The following AFF3 variants were observed in gnomAD, a reference collection of about 807,000 sequenced individuals.
AFF3 encodes the protein AF4/FMR2 family member 3.
In AFF3, 32 loss-of-function variants were observed where a neutral mutation model predicts 129.7. The observed-to-expected ratio is 0.25, with a 90% CI of 0.19 to 0.33. The LOEUF is 0.33. Ranked by LOEUF, AFF3 falls within the 10% of genes least tolerant of loss-of-function variation. The probability of loss-of-function intolerance (pLI) is 1.00; values close to 1 mark genes in which losing one functional copy is unlikely to be tolerated. For missense variants in AFF3, 1,373 were observed against 1,592.0 expected (o/e 0.86, Z 2.34); for synonymous variants, 644 against 635.4 (o/e 1.01, Z -0.20).
intron 7 of AFF3, among the ~76,000 whole-genome samples, chr2:99,884,297 C>G (rs940234515): frequency 6.6e-6 from 1 of 152,200 alleles, no homozygotes; most frequent in African/African-American, 2.4e-5. Context: ...CATCCATCAC[C>G]TCACGTACTT....
intron 8 of AFF3, among the ~76,000 whole-genome samples, chr2:99,785,257 C>A (rs543971269): frequency 2.0e-5 from 3 of 152,112 alleles, no homozygotes; most frequent in South Asian, 2.1e-4. Context: ...CAAGTGAAAT[C>A]GAGAATTACA....
chr2:100,105,675 T>C, intron 2 of AFF3, 92 bp from the exon 3 acceptor site: 1 of 1,349,442 alleles, frequency 7.4e-7, no homozygotes, highest in African/African-American at 1.5e-5. Flanking sequence ...GGCTTACTTT[T>C]TTAGACATGC....
intron 4 of AFF3, among the ~76,000 whole-genome samples, chr2:100,017,990 C>G (rs1683271544): frequency 6.6e-6 from 1 of 150,948 alleles, no homozygotes; most frequent in African/African-American, 2.4e-5. Context: ...CTTCCAAGAT[C>G]TGCTATGCCT....
In AFF3 at chr2:99,701,597, G is replaced by A. The variant is rs377029822; in HGVS notation, c.1091+25480C>T. On this transcript the variant is annotated intron_variant, in intron 11 of 24. Transcript: ENST00000672756. Reference sequence around the variant, plus strand: ...GCCTCTGCCAAGGTTAGTGTCATGAGTAACTGTAGTAAAATGTCGAAACCA... The same window carrying A: ...GCCTCTGCCAAGGTTAGTGTCATGAATAACTGTAGTAAAATGTCGAAACCA... 1.1e-4 allele frequency among the ~76,000 whole-genome samples: 16 copies of A among 152,328 alleles called. 1 individual carries two copies. In the South Asian group the frequency reaches 1.7e-3, roughly 16 times the overall value.
At chr2:100,038,309 C>T (rs1482897435) in intron 4 of AFF3, among the ~76,000 whole-genome samples, 1 of 151,868 alleles carries the variant, frequency 6.6e-6, no homozygotes, top group Non-Finnish European at 1.5e-5. Flanking sequence ...TGGACCCCAA[C>T]CCCATTCACT....
At chr2:100,131,346 A>G (rs1692422589) in intron 1 of AFF3, among the ~76,000 whole-genome samples, 1 of 152,242 alleles carries the variant, frequency 6.6e-6, no homozygotes, top group South Asian at 2.1e-4. Context: ...CCTCTCCATT[A>G]TATATATGAG....
At position 99,546,145 on chromosome 2, in the gene AFF3, G is replaced by C. The variant is rs1674067736; in HGVS notation, c.*5329C>G. 1 of 228,500 alleles carries C rather than the reference G, an allele frequency of 4.4e-6. No individual in the cohort carries two copies. The highest frequency in any genetic ancestry group is 8.7e-6 in the Non-Finnish European group (1 of 115,192). 14.2% of individuals were successfully genotyped at this position (228,500 alleles called of 1,614,324 possible). On this transcript the variant is annotated 3_prime_UTR_variant, in exon 25 of 25. Coordinates refer to ENST00000672756, the MANE Select transcript of AFF3 (RefSeq NM_001386135.1). Reference sequence around the variant, plus strand: ...AAACTTTCAAGATTCCACTTGATCCGGGTTTCTTCGAAAATGTATTACTTT... The same window carrying C: ...AAACTTTCAAGATTCCACTTGATCCCGGTTTCTTCGAAAATGTATTACTTT...
chr2:100,118,946 G>A (rs1416869287), intron 2 of AFF3, among the ~76,000 whole-genome samples: 3 of 151,930 alleles, frequency 2.0e-5, no homozygotes, highest in African/African-American at 4.8e-5. Flanking sequence ...GATTACAGGC[G>A]TGCGCCACCA....
chr2:99,931,064 T>A (rs1442742401), intron 7 of AFF3, among the ~76,000 whole-genome samples: 1 of 152,218 alleles, frequency 6.6e-6, no homozygotes, highest in Non-Finnish European at 1.5e-5. Flanking sequence ...TTGTAGACGG[T>A]TCATAGGTTT....
At position 99,572,767 on chromosome 2, in the gene AFF3, G is replaced by A. The variant is rs374783682; in HGVS notation, c.2919-3852C>T. The A allele has an allele frequency of 1.5e-5, 6 of 406,626 alleles. No homozygotes were observed. In the East Asian group the frequency reaches 3.7e-4, roughly 25 times the overall value. 25.2% of individuals were successfully genotyped at this position (406,626 alleles called of 1,614,324 possible). A position where few individuals can be genotyped will look rare whatever the true frequency, so the allele number is the denominator to read the frequency against. On this transcript the variant is annotated intron_variant, in intron 18 of 24. Transcript: ENST00000672756. ...TAAGTAATTATTTTTAATACACAGA[G>A]TCAGTGAAGACTATGGATGAGGGCA...
chr2:99,706,728 G>C (rs1677431848), intron 11 of AFF3, among the ~76,000 whole-genome samples: 2 of 152,140 alleles, frequency 1.3e-5, no homozygotes, highest in Admixed American at 6.5e-5. Flanking sequence ...GCACCATTAG[G>C]CCGATTTTTT....
At chr2:99,963,546 T>C (rs1677434378) in intron 7 of AFF3, among the ~76,000 whole-genome samples, 1 of 151,992 alleles carries the variant, frequency 6.6e-6, no homozygotes, top group South Asian at 2.1e-4. Flanking sequence ...ACACTGATAG[T>C]GGCTGTGATA....
At chr2:99,890,544 C>A (rs1693469500) in intron 7 of AFF3, among the ~76,000 whole-genome samples, 1 of 152,194 alleles carries the variant, frequency 6.6e-6, no homozygotes, top group Non-Finnish European at 1.5e-5. Flanking sequence ...ACTGAATGCT[C>A]AGAGGTCAGA....
At chr2:99,591,150 G>A (rs1294250374) in intron 15 of AFF3, among the ~76,000 whole-genome samples, 1 of 151,934 alleles carries the variant, frequency 6.6e-6, no homozygotes, top group Non-Finnish European at 1.5e-5. Context: ...TTAATATTAT[G>A]TGAAGAAAAA....
intron 11 of AFF3, among the ~76,000 whole-genome samples, chr2:99,693,541 T>A (rs1222688921): frequency 6.6e-6 from 1 of 152,002 alleles, no homozygotes; most frequent in African/African-American, 2.4e-5. Flanking sequence ...CAAAGAAAAA[T>A]GAAAGAGTTG....
chr2:99,599,229 A>G (rs1311248819), intron 14 of AFF3, among the ~76,000 whole-genome samples: 2 of 152,242 alleles, frequency 1.3e-5, no homozygotes, highest in East Asian at 1.9e-4. Context: ...ATTTGCTTAA[A>G]GCACTTTATA....
intron 7 of AFF3, among the ~76,000 whole-genome samples, chr2:99,879,720 C>CG (rs1001759115): frequency 6.6e-6 from 1 of 152,166 alleles, no homozygotes; most frequent in Non-Finnish European, 1.5e-5. Flanking sequence ...ATCTTGCCAA[C>CG]GTGCCCAAGG....
intron 7 of AFF3, among the ~76,000 whole-genome samples, chr2:99,888,182 C>T (rs1693264167): frequency 1.3e-5 from 2 of 152,232 alleles, no homozygotes; most frequent in Admixed American, 1.3e-4. Flanking sequence ...AAAGGCACAA[C>T]TCGAAAAATA....
intron 7 of AFF3, among the ~76,000 whole-genome samples, chr2:99,839,595 ATTTTCTTTT>A (rs1306453514): frequency 1.3e-5 from 2 of 148,876 alleles, no homozygotes; most frequent in Non-Finnish European, 3.0e-5. Flanking sequence ...TTTGATCTGC[ATTTTCTTTT>A]TTTTCTTTCT....
Sources: gnomAD v4.1 joint callset for allele counts (sites outside exome capture counted in the v4.1 genomes callset) on GRCh38, gnomAD v4.1.1 for gene constraint, MANE v1.5 for transcripts, NCBI Gene and HGNC (gene_info 2026-07-23, HGNC 2026-07-21) for gene names.